The following PSMA5 variants were observed in gnomAD, a reference collection of about 807,000 sequenced individuals.
PSMA5 encodes proteasome subunit alpha type-5.
Under a neutral mutation model 34.5 loss-of-function variants are expected in PSMA5, and 3 were observed. The observed-to-expected ratio is 0.09, with a 90% confidence interval of 0.04 to 0.22. PSMA5 has a LOEUF of 0.22. Ranked by LOEUF, PSMA5 falls within the 10% of genes least tolerant of loss-of-function variation. PSMA5 has a pLI of 1.00. For missense variants in PSMA5, 120 were observed against 286.1 expected (o/e 0.42, Z 4.19); for synonymous variants, 88 against 95.8 (o/e 0.92, Z 0.47).
intron 2 of PSMA5, among the ~76,000 whole-genome samples, chr1:109,416,805 T>TA (rs1208711305): frequency 6.6e-6 from 1 of 152,146 alleles, no homozygotes; most frequent in Non-Finnish European, 1.5e-5. Flanking sequence ...AAATTTTATG[T>TA]AAAAAAATGA....
At chr1:109,412,043 CAAT>C (rs764637003) in intron 5 of PSMA5, 31 bp downstream of exon 5, 1 of 1,599,940 alleles carries the variant, frequency 6.3e-7, no homozygotes, top group South Asian at 1.1e-5. Context: ...TCCCATAGAA[CAAT>C]AAGAAAACTC....
At chr1:109,410,884 GA>G (rs1382379921) in intron 7 of PSMA5, 126 bp downstream of exon 7, 9 of 685,014 alleles carry the variant, frequency 1.3e-5, no homozygotes, top group Non-Finnish European at 1.8e-5. Flanking sequence ...TGGTGGTGAT[GA>G]AAGTGTTATT....
At chr1:109,417,050 A>C (rs927743965) in intron 2 of PSMA5, among the ~76,000 whole-genome samples, 1 of 152,232 alleles carries the variant, frequency 6.6e-6, no homozygotes, top group Non-Finnish European at 1.5e-5. Context: ...GGTTGTAGTG[A>C]GCCAAGATCA....
chr1:109,416,392 G>T (rs948821470), intron 2 of PSMA5, among the ~76,000 whole-genome samples: 1 of 152,060 alleles, frequency 6.6e-6, no homozygotes, highest in Non-Finnish European at 1.5e-5. Context: ...GTATAGCCCA[G>T]CCCACTGGCT....
intron 2 of PSMA5, among the ~76,000 whole-genome samples, chr1:109,421,358 G>A (rs1654436044): frequency 6.6e-6 from 1 of 151,934 alleles, no homozygotes; most frequent in Non-Finnish European, 1.5e-5. Context: ...GTGGTACTGG[G>A]AGGCTGAGGC....
At chr1:109,408,685 T>C (rs1375179095) in intron 8 of PSMA5, among the ~76,000 whole-genome samples, 6 of 152,074 alleles carry the variant, frequency 3.9e-5, no homozygotes, top group Non-Finnish European at 7.4e-5. Flanking sequence ...TCTCCTTTTA[T>C]TTCTTTCAGC....
intron 2 of PSMA5, among the ~76,000 whole-genome samples, chr1:109,416,279 A>G (rs1654194472): frequency 6.6e-6 from 1 of 152,160 alleles, no homozygotes; most frequent in South Asian, 2.1e-4. Flanking sequence ...ATCACCCTAT[A>G]CTGCCTATAA....
At chr1:109,403,010 CG>C (rs1653600218) in intron 8 of PSMA5, among the ~76,000 whole-genome samples, 1 of 152,098 alleles carries the variant, frequency 6.6e-6, no homozygotes, top group African/African-American at 2.4e-5. Context: ...TGGCCTGTTA[CG>C]TTTTTTTAAA....
chr1:109,410,715 AAC>A (rs1459771380), intron 7 of PSMA5, among the ~76,000 whole-genome samples: 2 of 152,242 alleles, frequency 1.3e-5, no homozygotes, highest in Non-Finnish European at 2.9e-5. Context: ...GGATCTCAAA[AAC>A]AGTGTGTTAA....
chr1:109,406,422 T>C (rs1653765479), intron 8 of PSMA5, among the ~76,000 whole-genome samples: 2 of 152,140 alleles, frequency 1.3e-5, no homozygotes, highest in Admixed American at 1.3e-4. Flanking sequence ...GAAAGAAGTA[T>C]AGTCCCTATA....
At chr1:109,419,603 G>C (rs189913269) in intron 2 of PSMA5, among the ~76,000 whole-genome samples, 1 of 152,128 alleles carries the variant, frequency 6.6e-6, no homozygotes, top group Non-Finnish European at 1.5e-5. Context: ...AGGAGTTCGA[G>C]ACCAGCCTGA....
chr1:109,414,953 A>C (rs761329927), intron 3 of PSMA5: 66 of 301,252 alleles, frequency 2.2e-4, no homozygotes, highest in Middle Eastern at 9.6e-4. Flanking sequence ...TATTATTCTT[A>C]TAACTTGTAG....
intron 7 of PSMA5, among the ~76,000 whole-genome samples, chr1:109,410,224 T>C (rs1446477166): frequency 6.6e-6 from 1 of 152,188 alleles, no homozygotes; most frequent in Non-Finnish European, 1.5e-5. Context: ...CCAAACCTTA[T>C]TGTGAGCCAC....
Position 109,419,442 on chromosome 1 carries a change from C to T in PSMA5, c.96+2418G>A, listed in dbSNP as rs1654346337. 2.6e-5 allele frequency among the ~76,000 whole-genome samples: 4 copies of T among 151,956 alleles called. No individual in the cohort carries two copies. In the South Asian group the frequency reaches 8.3e-4, roughly 32 times the overall value. On this transcript the variant is annotated intron_variant, in intron 2 of 8. Transcript: ENST00000271308. ...CAACACTTTGGGAGGCCTAGGTGGG[C>T]GGATCACTTGAGCTCAGGAGCTCGA... is the stretch of plus-strand genomic sequence containing the variant.
chr1:109,407,554 C>T (rs1289454279), intron 8 of PSMA5, among the ~76,000 whole-genome samples: 1 of 152,210 alleles, frequency 6.6e-6, no homozygotes, highest in Non-Finnish European at 1.5e-5. Context: ...TCCATTTTCT[C>T]ATGAGTGTGG....
intron 8 of PSMA5, 37 bp downstream of exon 8, chr1:109,409,891 A>G (rs757023119): frequency 7.3e-6 from 11 of 1,504,464 alleles, no homozygotes; most frequent in Non-Finnish European, 3.7e-6. Context: ...TCTTAAAAAA[A>G]AAACCGAAAA....
At chr1:109,408,508 G>A (rs1653873435) in intron 8 of PSMA5, among the ~76,000 whole-genome samples, 1 of 152,088 alleles carries the variant, frequency 6.6e-6, no homozygotes, top group Non-Finnish European at 1.5e-5. Context: ...TATACTACTT[G>A]AATAGGAATT....
intron 8 of PSMA5, among the ~76,000 whole-genome samples, chr1:109,405,100 G>T (rs1265911745): frequency 6.6e-6 from 1 of 152,202 alleles, no homozygotes; most frequent in Non-Finnish European, 1.5e-5. Flanking sequence ...CTTGCACATG[G>T]AATATGACGT....
intron 2 of PSMA5, among the ~76,000 whole-genome samples, chr1:109,417,604 G>T (rs1414832698): frequency 6.6e-6 from 1 of 152,154 alleles, no homozygotes; most frequent in Non-Finnish European, 1.5e-5. Flanking sequence ...CACAGTCTAA[G>T]GCAGGAATAA....
Sources: allele counts gnomAD v4.1 joint callset (sites outside exome capture counted in the v4.1 genomes callset), GRCh38; gene constraint gnomAD v4.1.1; transcripts MANE v1.5; gene names NCBI Gene and HGNC (gene_info 2026-07-23, HGNC 2026-07-21).